The following VGLL4 variants were observed in gnomAD, a reference collection of about 807,000 sequenced individuals.
VGLL4 encodes transcription cofactor vestigial-like protein 4.
In VGLL4, 7 loss-of-function variants were observed where a neutral mutation model predicts 21.0. The ratio of observed to expected loss-of-function variants is 0.33; its 90% CI spans 0.19 to 0.63. The LOEUF is 0.63. Among genes scored for constraint, VGLL4 ranks in the 20% least tolerant of loss-of-function variants. The pLI, the probability that VGLL4 is intolerant of heterozygous loss-of-function variation, is 0.78. For synonymous variants in VGLL4, 222 were observed against 173.2 expected (o/e 1.28, Z -2.21); for missense variants, 394 against 425.7 (o/e 0.93, Z 0.66).
chr3:11,599,813 C>T (rs375481342), intron 2 of VGLL4, among the ~76,000 whole-genome samples: 11 of 151,018 alleles, frequency 7.3e-5, no homozygotes, highest in South Asian at 2.1e-4. Flanking sequence ...TGAGCCACTG[C>T]GCCTAGCCAC....
intron 2 of VGLL4, among the ~76,000 whole-genome samples, chr3:11,662,436 T>C (rs2076050897): frequency 6.6e-6 from 1 of 152,232 alleles, no homozygotes; most frequent in African/African-American, 2.4e-5. Context: ...ACTGAAAAAT[T>C]ATTCAAAACA....
intron 2 of VGLL4, among the ~76,000 whole-genome samples, chr3:11,679,258 G>C (rs2076337410): frequency 6.6e-6 from 1 of 152,024 alleles, no homozygotes; most frequent in Non-Finnish European, 1.5e-5. Flanking sequence ...CTTCCAGTGG[G>C]ACAAAATGTG....
intron 2 of VGLL4, among the ~76,000 whole-genome samples, chr3:11,671,914 G>C (rs2076223265): frequency 6.6e-6 from 1 of 151,978 alleles, no homozygotes; most frequent in African/African-American, 2.4e-5. Context: ...ATTATTTTTT[G>C]ACTAACTTCT....
At chr3:11,660,951 G>A (rs2076028441) in intron 2 of VGLL4, among the ~76,000 whole-genome samples, 1 of 152,170 alleles carries the variant, frequency 6.6e-6, no homozygotes, top group Non-Finnish European at 1.5e-5. Context: ...ATACCAAACA[G>A]CAACAAAAGC....
intron 2 of VGLL4, among the ~76,000 whole-genome samples, chr3:11,651,793 T>C (rs930773968): frequency 3.3e-5 from 5 of 152,128 alleles, no homozygotes; most frequent in African/African-American, 9.7e-5. Flanking sequence ...AAATATCTAA[T>C]AAGCTCCCTT....
Position 11,605,034 on chromosome 3 carries a change from C to T in VGLL4, c.83-3012G>A, listed in dbSNP as rs2074898594. ...GAAACCCCGCAGGGCTGCTTTCCATCGCCCGCCACGCCCCCGCCCACCCCC... is the reference window on the plus strand; with the variant it reads ...GAAACCCCGCAGGGCTGCTTTCCATTGCCCGCCACGCCCCCGCCCACCCCC... On this transcript the variant is annotated intron_variant, in intron 1 of 4. Transcript: ENST00000430365. 2.7e-5 allele frequency among the ~76,000 whole-genome samples: 3 copies of T among 112,960 alleles called. 1 individual carries two copies. The highest frequency in any genetic ancestry group is 1.8e-4 in the Admixed American group (2 of 11,100). The allele number at this position is 112,960 out of a possible 152,430, so 74.1% of individuals were successfully genotyped here. A position where few individuals can be genotyped will look rare whatever the true frequency, so the allele number is the denominator to read the frequency against.
chr3:11,557,283 A>G lies in VGLL4; in HGVS notation c.*1273T>C, dbSNP rs1399252767. 1 of 152,808 alleles carries G rather than the reference A, an allele frequency of 6.5e-6. No homozygotes were observed. The highest frequency in any genetic ancestry group is 1.5e-5 in the Non-Finnish European group (1 of 68,044). 9.5% of individuals were successfully genotyped at this position (152,808 alleles called of 1,614,324 possible). A position where few individuals can be genotyped will look rare whatever the true frequency, so the allele number is the denominator to read the frequency against. On this transcript the variant is annotated 3_prime_UTR_variant, in exon 5 of 5. Transcript: ENST00000430365. ...ACAGTATAAAGTCAGAGGAATGTAT[A>G]CTGCCTTGGCCCCAGCGTACGAGGA...
In VGLL4 at chr3:11,619,642, G is replaced by A. The variant is rs994708401; in HGVS notation, c.83-17620C>T. Among the ~76,000 whole-genome samples the A allele has an allele frequency of 4.6e-5, 7 of 152,166 alleles. No homozygotes were observed. The South Asian group carries it at 1.0e-3, about 23-fold the overall frequency. ...AGATTTTGGGGTTAGAGCTGGTCTA[G>A]AGCCACCATAGGGCTGGGGAAGGAA... On this transcript the variant is annotated intron_variant, in intron 1 of 4. Transcript: ENST00000430365.
At chr3:11,696,000 C>A (rs1452532392) in intron 2 of VGLL4, among the ~76,000 whole-genome samples, 1 of 152,158 alleles carries the variant, frequency 6.6e-6, no homozygotes, top group Non-Finnish European at 1.5e-5. Flanking sequence ...CTTTACAAAA[C>A]CAGGAGTCCT....
At chr3:11,566,047 A>C (rs1194522261) in intron 2 of VGLL4, among the ~76,000 whole-genome samples, 1 of 152,230 alleles carries the variant, frequency 6.6e-6, no homozygotes, top group African/African-American at 2.4e-5. Flanking sequence ...TTATTTTCAG[A>C]GTCTACAAGT....
At chr3:11,651,753 T>A (rs1379377993) in intron 2 of VGLL4, among the ~76,000 whole-genome samples, 3 of 144,796 alleles carry the variant, frequency 2.1e-5, no homozygotes, top group South Asian at 2.2e-4. Flanking sequence ...GTAGCTGATT[T>A]AAAAAAAAAA....
At chr3:11,717,324 T>TC (rs1213527296) in intron 1 of VGLL4, among the ~76,000 whole-genome samples, 1 of 151,990 alleles carries the variant, frequency 6.6e-6, no homozygotes, top group Non-Finnish European at 1.5e-5. Flanking sequence ...GTTAACCTAC[T>TC]CATTATTTTA....
intron 2 of VGLL4, among the ~76,000 whole-genome samples, chr3:11,566,314 A>C (rs1337552485): frequency 6.6e-6 from 1 of 152,202 alleles, no homozygotes; most frequent in African/African-American, 2.4e-5. Context: ...CGGCCATCCC[A>C]TGCACCCTTT....
intron 2 of VGLL4, chr3:11,693,170 CAAAA>C: frequency 6.4e-5 from 9 of 140,028 alleles, no homozygotes; most frequent in South Asian, 3.5e-4. Context: ...GACCCTGTCT[CAAAA>C]AAAAAAAAAG....
intron 1 of VGLL4, among the ~76,000 whole-genome samples, chr3:11,639,816 C>T (rs898811148): frequency 2.0e-5 from 3 of 151,972 alleles, no homozygotes; most frequent in Admixed American, 6.6e-5. Flanking sequence ...GCAGAGGTTG[C>T]AGTGAGTGGA....
At chr3:11,583,999 G>A (rs2074303761) in intron 2 of VGLL4, among the ~76,000 whole-genome samples, 2 of 152,174 alleles carry the variant, frequency 1.3e-5, no homozygotes, top group African/African-American at 4.8e-5. Context: ...GACACACCCA[G>A]GCCAGGTGTT....
chr3:11,594,277 T>TA lies in VGLL4; in HGVS notation c.272+7555dup, dbSNP rs577457057. Among the ~76,000 whole-genome samples, 33 of 152,324 alleles carry TA rather than the reference T, an allele frequency of 2.2e-4. 1 individual carries two copies. The South Asian group carries it at 6.0e-3, about 28-fold the overall frequency. ...GGGTTAATCCCAGCTGCCAACAACT[T>TA]AGACACATCATCCTCTCACAAACTC... On this transcript the variant is annotated intron_variant, in intron 2 of 4. Coordinates refer to ENST00000430365, the MANE Select transcript of VGLL4 (RefSeq NM_001128219.3).
At chr3:11,675,469 C>G (rs1303122303) in intron 2 of VGLL4, among the ~76,000 whole-genome samples, 3 of 152,180 alleles carry the variant, frequency 2.0e-5, no homozygotes, top group Non-Finnish European at 2.9e-5. Flanking sequence ...ACTCCATGGA[C>G]TCCTCCACCC....
chr3:11,679,052 G>A lies in VGLL4; in HGVS notation c.64+23919C>T, dbSNP rs116426186. 2.3e-3 allele frequency among the ~76,000 whole-genome samples: 345 copies of A among 152,246 alleles called. 1 individual carries two copies. The highest frequency in any genetic ancestry group is 7.0e-3 in the African/African-American group (289 of 41,530). On this transcript the variant is annotated intron_variant, in intron 2 of 5. Coordinates refer to the VGLL4 transcript ENST00000273038. ...TACGTGCAGTATATAATAATAATGA[G>A]AATAAATGACCCTGTTATTGGTTTA...
Sources: allele counts gnomAD v4.1 joint callset (sites outside exome capture counted in the v4.1 genomes callset), GRCh38; gene constraint gnomAD v4.1.1; transcripts MANE v1.5; gene names NCBI Gene and HGNC (gene_info 2026-07-23, HGNC 2026-07-21).